Variants in PARD3 observed in about 807,000 individuals in gnomAD.
PARD3 encodes par-3 family cell polarity regulator, also known as partitioning defective 3 homolog.
A neutral mutation model predicts 155.4 loss-of-function variants in PARD3; 75 were observed. The ratio of observed to expected loss-of-function variants is 0.48; its 90% CI spans 0.40 to 0.58. PARD3 has a LOEUF of 0.58. Ranked by LOEUF, PARD3 falls within the 20% of genes least tolerant of loss-of-function variation. PARD3 has a pLI of 0.00. For synonymous variants in PARD3, 576 were observed against 610.5 expected (o/e 0.94, Z 0.83); for missense variants, 1,642 against 1,721.7 (o/e 0.95, Z 0.82).
intron 20 of PARD3, among the ~76,000 whole-genome samples, chr10:34,304,434 A>T (rs902794470): frequency 3.9e-5 from 6 of 152,214 alleles, no homozygotes; most frequent in African/African-American, 1.4e-4. Context: ...AGTCAGGTTC[A>T]AAAAATACTA....
chr10:34,756,554 C>T (rs1334269425), intron 1 of PARD3, among the ~76,000 whole-genome samples: 1 of 146,730 alleles, frequency 6.8e-6, no homozygotes, highest in African/African-American at 2.5e-5. Context: ...CGCCTGAGCT[C>T]AAGTGATCTT....
At chr10:34,771,217 T>C (rs1183741133) in intron 1 of PARD3, among the ~76,000 whole-genome samples, 2 of 152,192 alleles carry the variant, frequency 1.3e-5, no homozygotes, top group Non-Finnish European at 2.9e-5. Context: ...TGAAAGCAAA[T>C]GGTGATGCTA....
At chr10:34,655,338 A>G (rs2093136530) in intron 2 of PARD3, among the ~76,000 whole-genome samples, 1 of 152,116 alleles carries the variant, frequency 6.6e-6, no homozygotes, top group Admixed American at 6.6e-5. Context: ...AAATTGTTCT[A>G]GAATATTAGT....
At chr10:34,697,766 A>AAC (rs377094946) in intron 1 of PARD3, among the ~76,000 whole-genome samples, 1,595 of 146,530 alleles carry the variant, frequency 0.011, 24 homozygotes, top group African/African-American at 0.039. Flanking sequence ...TTGTAAAACA[A>AAC]ACACTCACAC....
intron 2 of PARD3, among the ~76,000 whole-genome samples, chr10:34,621,241 G>C (rs2091657900): frequency 6.6e-6 from 1 of 151,916 alleles, no homozygotes; most frequent in Admixed American, 6.6e-5. Context: ...GTTTCTTTGA[G>C]GGGAGGGAAG....
At chr10:34,643,450 G>A (rs889934596) in intron 2 of PARD3, among the ~76,000 whole-genome samples, 3 of 152,074 alleles carry the variant, frequency 2.0e-5, no homozygotes, top group African/African-American at 2.4e-5. Flanking sequence ...TGCCTCTATG[G>A]CCAAAATACA....
intron 1 of PARD3, among the ~76,000 whole-genome samples, chr10:34,746,103 A>C (rs546993520): frequency 2.0e-5 from 3 of 152,174 alleles, no homozygotes; most frequent in African/African-American, 7.2e-5. Context: ...CTCCATCTCA[A>C]AAAACAAAAA....
chr10:34,474,645 C>G (rs1265088219), intron 3 of PARD3, among the ~76,000 whole-genome samples: 1 of 152,168 alleles, frequency 6.6e-6, no homozygotes, highest in Non-Finnish European at 1.5e-5. Flanking sequence ...GATGAGTAAG[C>G]TGAGGCTCAG....
At chr10:34,774,983 GT>G (rs1481270046) in intron 1 of PARD3, among the ~76,000 whole-genome samples, 2 of 152,158 alleles carry the variant, frequency 1.3e-5, no homozygotes, top group Non-Finnish European at 2.9e-5. Context: ...AACACTCAAG[GT>G]TTCTCAGTAA....
At chr10:34,431,405 G>A (rs576303577) in intron 5 of PARD3, among the ~76,000 whole-genome samples, 1 of 152,256 alleles carries the variant, frequency 6.6e-6, no homozygotes, top group South Asian at 2.1e-4. Context: ...GATCATGGTA[G>A]GAGATGATGC....
intron 2 of PARD3, among the ~76,000 whole-genome samples, chr10:34,619,642 G>A (rs749550983): frequency 1.2e-4 from 18 of 152,140 alleles, no homozygotes; most frequent in Non-Finnish European, 2.2e-4. Flanking sequence ...TCTGTCTGCT[G>A]TGATGCTCAC....
intron 5 of PARD3, among the ~76,000 whole-genome samples, chr10:34,425,377 C>T (rs1290054735): frequency 2.0e-5 from 3 of 152,168 alleles, no homozygotes; most frequent in African/African-American, 7.2e-5. Flanking sequence ...CAACTCTCAA[C>T]ACATCAGATT....
chr10:34,351,051 G>A (rs1476219288), intron 14 of PARD3, among the ~76,000 whole-genome samples: 3 of 152,168 alleles, frequency 2.0e-5, no homozygotes, highest in African/African-American at 7.2e-5. Flanking sequence ...GAATTTATCT[G>A]TGGGGTTTAA....
At chr10:34,665,892 G>GAACAGAACAA (rs2093453194) in intron 2 of PARD3, among the ~76,000 whole-genome samples, 1 of 142,428 alleles carries the variant, frequency 7.0e-6, no homozygotes, top group South Asian at 2.2e-4. Flanking sequence ...GAACAGAACA[G>GAACAGAACAA]AACAGAACAG....
intron 22 of PARD3, among the ~76,000 whole-genome samples, chr10:34,237,197 A>T (rs116049971): frequency 0.013 from 1,974 of 152,254 alleles, 53 homozygotes; most frequent in East Asian, 0.12. Context: ...CAAAGTGAGG[A>T]TGAAGGAAGC....
intron 5 of PARD3, among the ~76,000 whole-genome samples, chr10:34,424,629 C>G (rs889237595): frequency 2.6e-5 from 4 of 152,240 alleles, no homozygotes; most frequent in Middle Eastern, 3.4e-3. Context: ...ATTCTCATTT[C>G]TCAGCCTCAG....
chr10:34,380,586 T>C (rs543316674), intron 9 of PARD3, among the ~76,000 whole-genome samples: 1 of 152,262 alleles, frequency 6.6e-6, no homozygotes, highest in Admixed American at 6.5e-5. Context: ...CTGTATTCTG[T>C]TTAATACTTT....
At chr10:34,123,340 T>TTA (rs1397855638) in intron 23 of PARD3, among the ~76,000 whole-genome samples, 1 of 152,196 alleles carries the variant, frequency 6.6e-6, no homozygotes. Context: ...TTCTCATAGA[T>TTA]TATAAAGGGA....
At chr10:34,425,374 CA>C (rs2075545762) in intron 5 of PARD3, among the ~76,000 whole-genome samples, 2 of 152,162 alleles carry the variant, frequency 1.3e-5, no homozygotes. Flanking sequence ...AAACAACTCT[CA>C]ACACATCAGA....
Sources: allele counts gnomAD v4.1 joint callset (sites outside exome capture counted in the v4.1 genomes callset), GRCh38; gene constraint gnomAD v4.1.1; transcripts MANE v1.5; gene names NCBI Gene and HGNC (gene_info 2026-07-23, HGNC 2026-07-21).